PTPRB: variants seen among roughly 807,000 people sequenced by gnomAD.
PTPRB encodes the protein protein tyrosine phosphatase receptor type B.
PTPRB carries 97 observed loss-of-function variants against 238.1 expected under a neutral mutation model. The ratio of observed to expected loss-of-function variants is 0.41; its 90% CI spans 0.35 to 0.48. PTPRB has a LOEUF of 0.48. Among genes scored for constraint, PTPRB ranks in the 20% least tolerant of loss-of-function variants. The pLI is 0.30. For synonymous variants in PTPRB, 970 were observed against 995.4 expected, an observed-to-expected ratio of 0.97 and a Z score of 0.48; for missense variants, 2,292 against 2,681.9, an observed-to-expected ratio of 0.85 and a Z score of 3.21.
At chr12:70,608,050 C>T (rs909165206) in intron 4 of PTPRB, among the ~76,000 whole-genome samples, 1 of 152,094 alleles carries the variant, frequency 6.6e-6, no homozygotes, top group Non-Finnish European at 1.5e-5. Flanking sequence ...ACTGCTGCAC[C>T]TGCCTTTAGA....
chr12:70,570,628 CA>C (rs1192832223), intron 13 of PTPRB, among the ~76,000 whole-genome samples: 1 of 152,116 alleles, frequency 6.6e-6, no homozygotes, highest in African/African-American at 2.4e-5. Context: ...GAAGACTGAA[CA>C]AGATGTAGAC....
chr12:70,584,577 G>T (rs952676790), intron 9 of PTPRB, among the ~76,000 whole-genome samples: 1 of 152,110 alleles, frequency 6.6e-6, no homozygotes, highest in Non-Finnish European at 1.5e-5. Flanking sequence ...ATCCCAGAAA[G>T]ACTAGAATAA....
intron 22 of PTPRB, chr12:70,541,183 TA>T: frequency 2.3e-6 from 1 of 439,740 alleles, no homozygotes; most frequent in Non-Finnish European, 4.0e-6. Flanking sequence ...TGTCACTGCA[TA>T]CTTTTGAAGT....
chr12:70,631,882 A>G (rs934691872), intron 2 of PTPRB, among the ~76,000 whole-genome samples: 1 of 152,228 alleles, frequency 6.6e-6, no homozygotes, highest in African/African-American at 2.4e-5. Context: ...ACAATGAGAT[A>G]CCATCTCTTG....
chr12:70,567,542 T>C (rs755329311), intron 14 of PTPRB, among the ~76,000 whole-genome samples: 1 of 152,252 alleles, frequency 6.6e-6, no homozygotes, highest in South Asian at 2.1e-4. Context: ...TCCTAAATCT[T>C]CTATCTCTTG....
chr12:70,572,829 A>C (rs55832215), intron 11 of PTPRB, among the ~76,000 whole-genome samples: 4,403 of 151,594 alleles, frequency 0.029, 215 homozygotes, highest in African/African-American at 0.099. Flanking sequence ...AAGAAGAAAC[A>C]CATATGGTTA....
At chr12:70,573,752 G>A (rs185930146) in intron 11 of PTPRB, among the ~76,000 whole-genome samples, 1,605 of 151,562 alleles carry the variant, frequency 0.011, 22 homozygotes, top group African/African-American at 0.036. Context: ...TGATTCTCCC[G>A]CCTCGGCCTC....
At chr12:70,628,230 T>C (rs17108436) in intron 2 of PTPRB, among the ~76,000 whole-genome samples, 9,710 of 152,294 alleles carry the variant, frequency 0.064, 350 homozygotes, top group South Asian at 0.14. Context: ...TTTGAATGAA[T>C]GAATCTGAAT....
intron 28 of PTPRB, 126 bp downstream of exon 28, chr12:70,538,029 G>A (rs2136244261): frequency 2.8e-6 from 2 of 719,026 alleles, no homozygotes; most frequent in Non-Finnish European, 2.2e-6. Context: ...GCATTCAGAT[G>A]TGCTCTTCTG....
intron 21 of PTPRB, among the ~76,000 whole-genome samples, chr12:70,548,336 TCTCTCTCTCTCACACACACACA>T (rs1374233252): frequency 5.8e-5 from 2 of 34,344 alleles, no homozygotes; most frequent in Admixed American, 4.1e-4. Flanking sequence ...TCTCTCTCTC[TCTCTCTCTCTCACACACACACA>T]CACACACACA....
At chr12:70,586,171 G>A (rs1188791231) in intron 9 of PTPRB, among the ~76,000 whole-genome samples, 1 of 152,152 alleles carries the variant, frequency 6.6e-6, no homozygotes, top group Non-Finnish European at 1.5e-5. Flanking sequence ...CTAGTAATGG[G>A]ATGGCTGGGT....
chr12:70,522,852 G>C (rs368737441), intron 33 of PTPRB, among the ~76,000 whole-genome samples: 1 of 128,816 alleles, frequency 7.8e-6, no homozygotes, highest in East Asian at 2.3e-4. Flanking sequence ...GCATTCTTTT[G>C]TTTGTTTTTT....
At chr12:70,541,526 A>G (rs1019633918) in intron 22 of PTPRB, 16 of 152,218 alleles carry the variant, frequency 1.1e-4, no homozygotes, top group African/African-American at 3.6e-4. Flanking sequence ...GGTCTTTAGT[A>G]TAGTCAAAGT....
At chr12:70,611,370 C>T (rs572371536) in intron 3 of PTPRB, among the ~76,000 whole-genome samples, 2 of 152,324 alleles carry the variant, frequency 1.3e-5, no homozygotes, top group Non-Finnish European at 2.9e-5. Context: ...CTCACTGCAA[C>T]CTCTGCCTCC....
chr12:70,552,498 A>AAT (rs61617340), intron 21 of PTPRB, among the ~76,000 whole-genome samples: 22,505 of 150,204 alleles, frequency 0.15, 2,702 homozygotes, highest in African/African-American at 0.33. Flanking sequence ...AAAAAAAAAA[A>AAT]AATAATGAAA....
intron 21 of PTPRB, among the ~76,000 whole-genome samples, chr12:70,551,046 C>T (rs1407392235): frequency 2.0e-5 from 3 of 152,194 alleles, no homozygotes; most frequent in African/African-American, 4.8e-5. Flanking sequence ...CAGGCGTGCA[C>T]CACCGTGCCT....
chr12:70,578,311 T>G (rs1467841774), intron 10 of PTPRB, among the ~76,000 whole-genome samples: 1 of 152,218 alleles, frequency 6.6e-6, no homozygotes, highest in Non-Finnish European at 1.5e-5. Flanking sequence ...TTCAGCAATT[T>G]GAGGAGATGA....
chr12:70,570,695 A>G (rs1194350080), intron 13 of PTPRB, among the ~76,000 whole-genome samples: 1 of 152,174 alleles, frequency 6.6e-6, no homozygotes, highest in Non-Finnish European at 1.5e-5. Flanking sequence ...CATGTTAACT[A>G]CTATGGCAAC....
At chr12:70,598,641 G>A (rs140271676) in intron 4 of PTPRB, among the ~76,000 whole-genome samples, 187 of 152,252 alleles carry the variant, frequency 1.2e-3, no homozygotes, top group Admixed American at 3.1e-3. Context: ...CAATGCTGTC[G>A]TACCCAATTG....
Sources: gnomAD v4.1 joint callset for allele counts (sites outside exome capture counted in the v4.1 genomes callset) on GRCh38, gnomAD v4.1.1 for gene constraint, MANE v1.5 for transcripts, NCBI Gene and HGNC (gene_info 2026-07-23, HGNC 2026-07-21) for gene names.